The following CADM2 variants were observed in gnomAD, a reference collection of about 807,000 sequenced individuals.
The protein encoded by CADM2 is cell adhesion molecule 2.
A neutral mutation model predicts 49.8 loss-of-function variants in CADM2; 12 were observed. The observed-to-expected ratio is 0.24, with a 90% confidence interval of 0.15 to 0.39. The LOEUF is 0.39. Ranked by LOEUF, CADM2 falls within the 10% of genes least tolerant of loss-of-function variation. The pLI is 1.00. For synonymous variants in CADM2, 214 were observed against 175.4 expected, an observed-to-expected ratio of 1.22 and a Z score of -1.74; for missense variants, 378 against 492.3, an observed-to-expected ratio of 0.77 and a Z score of 2.20.
intron 7 of CADM2, among the ~76,000 whole-genome samples, chr3:85,939,144 A>C (rs1268055055): frequency 6.6e-6 from 1 of 151,978 alleles, no homozygotes; most frequent in Non-Finnish European, 1.5e-5. Flanking sequence ...TGAGGGCCCC[A>C]GTGACTGTTT....
At chr3:85,890,248 G>C (rs943515680) in intron 5 of CADM2, among the ~76,000 whole-genome samples, 3 of 152,064 alleles carry the variant, frequency 2.0e-5, no homozygotes, top group Non-Finnish European at 4.4e-5. Flanking sequence ...TTACATTCTT[G>C]TGAGAGTTTG....
At chr3:85,489,460 C>T (rs557457570) in intron 1 of CADM2, among the ~76,000 whole-genome samples, 1 of 152,162 alleles carries the variant, frequency 6.6e-6, no homozygotes, top group African/African-American at 2.4e-5. Context: ...GTTCAATATA[C>T]ATTTCTGCAT....
intron 3 of CADM2, among the ~76,000 whole-genome samples, chr3:85,831,762 T>G (rs1372755726): frequency 6.6e-6 from 1 of 152,016 alleles, no homozygotes; most frequent in Non-Finnish European, 1.5e-5. Context: ...TTTGTGACTA[T>G]TTTCTCCCAT....
chr3:85,760,390 A>G (rs2069317990), intron 2 of CADM2, among the ~76,000 whole-genome samples: 1 of 151,856 alleles, frequency 6.6e-6, no homozygotes, highest in Admixed American at 6.6e-5. Flanking sequence ...TTGCTTTTCA[A>G]TTTATCCTTT....
intron 1 of CADM2, among the ~76,000 whole-genome samples, chr3:85,641,344 C>T (rs2064704948): frequency 6.6e-6 from 1 of 152,202 alleles, no homozygotes; most frequent in Admixed American, 6.5e-5. Flanking sequence ...TCTCTAGCAT[C>T]ATGAGGCACG....
At chr3:85,958,889 A>G (rs541862674) in intron 7 of CADM2, among the ~76,000 whole-genome samples, 2 of 151,850 alleles carry the variant, frequency 1.3e-5, no homozygotes, top group East Asian at 3.9e-4. Context: ...CACAAACTGG[A>G]GCCTGTTGCA....
At chr3:85,692,384 G>A (rs1044427039) in intron 1 of CADM2, among the ~76,000 whole-genome samples, 3 of 152,070 alleles carry the variant, frequency 2.0e-5, no homozygotes, top group Middle Eastern at 3.2e-3. Context: ...TATTTGCGTC[G>A]CAAGTTTTAT....
chr3:85,351,514 C>T (rs2107238794), intron 1 of CADM2, among the ~76,000 whole-genome samples: 1 of 152,190 alleles, frequency 6.6e-6, no homozygotes, highest in Non-Finnish European at 1.5e-5. Flanking sequence ...AACTTTGTCC[C>T]ACACATGACC....
At chr3:85,730,011 T>C (rs974113001) in intron 2 of CADM2, among the ~76,000 whole-genome samples, 2 of 152,216 alleles carry the variant, frequency 1.3e-5, no homozygotes, top group Non-Finnish European at 1.5e-5. Flanking sequence ...ACATGAATAT[T>C]AGTCCAATTT....
chr3:85,171,016 C>A (rs2040611052), intron 1 of CADM2, among the ~76,000 whole-genome samples: 1 of 152,100 alleles, frequency 6.6e-6, no homozygotes. Flanking sequence ...AGTCAAAGAG[C>A]AATGGAGCAG....
At chr3:85,766,298 A>G (rs2069653820) in intron 2 of CADM2, among the ~76,000 whole-genome samples, 1 of 152,144 alleles carries the variant, frequency 6.6e-6, no homozygotes, top group South Asian at 2.1e-4. Context: ...GTTATTGTCC[A>G]TAAAAGGAAA....
chr3:84,976,356 A>T (rs1248026944), intron 1 of CADM2, among the ~76,000 whole-genome samples: 1 of 151,732 alleles, frequency 6.6e-6, no homozygotes, highest in African/African-American at 2.4e-5. Context: ...ATAGAAAGTT[A>T]AATAAGACTA....
chr3:85,460,013 C>T (rs2038168051), intron 1 of CADM2, among the ~76,000 whole-genome samples: 1 of 152,110 alleles, frequency 6.6e-6, no homozygotes, highest in African/African-American at 2.4e-5. Context: ...CACTTTTAGG[C>T]TTTACGTGAA....
At chr3:85,340,611 G>GT (rs1202968735) in intron 1 of CADM2, among the ~76,000 whole-genome samples, 5 of 151,296 alleles carry the variant, frequency 3.3e-5, no homozygotes, top group African/African-American at 7.3e-5. Context: ...ATTTTTCTAG[G>GT]TTTTTTGGCT....
intron 1 of CADM2, among the ~76,000 whole-genome samples, chr3:85,022,543 T>A (rs1388230520): frequency 6.6e-6 from 1 of 152,168 alleles, no homozygotes; most frequent in Non-Finnish European, 1.5e-5. Flanking sequence ...TCTTACTAGC[T>A]CCATGGCCTA....
intron 1 of CADM2, among the ~76,000 whole-genome samples, chr3:85,446,687 C>G (rs1399697350): frequency 6.8e-6 from 1 of 147,920 alleles, no homozygotes; most frequent in South Asian, 2.1e-4. Flanking sequence ...ACCGCAACCT[C>G]CCCATCCCAG....
At chr3:84,971,705 T>C (rs2031454167) in intron 1 of CADM2, among the ~76,000 whole-genome samples, 1 of 151,916 alleles carries the variant, frequency 6.6e-6, no homozygotes, top group African/African-American at 2.4e-5. Context: ...AGCATAAGAG[T>C]ACATGTTTTA....
intron 1 of CADM2, among the ~76,000 whole-genome samples, chr3:85,428,213 A>AG (rs1434284658): frequency 6.6e-6 from 1 of 150,872 alleles, no homozygotes; most frequent in African/African-American, 2.4e-5. Context: ...TAAAAAAAAA[A>AG]GGCACAGAGT....
At chr3:85,024,645 A>G (rs2034647069) in intron 1 of CADM2, among the ~76,000 whole-genome samples, 1 of 150,144 alleles carries the variant, frequency 6.7e-6, no homozygotes. Flanking sequence ...GTCAGAGGGA[A>G]AGGCAGTAAT....
Sources: allele counts gnomAD v4.1 joint callset (sites outside exome capture counted in the v4.1 genomes callset), GRCh38; gene constraint gnomAD v4.1.1; transcripts MANE v1.5; gene names NCBI Gene and HGNC (gene_info 2026-07-23, HGNC 2026-07-21).